The following FSD1 variants were observed in gnomAD, a reference collection of about 807,000 sequenced individuals.
The protein encoded by FSD1 is fibronectin type III and SPRY domain containing 1, also known as fibronectin type III and SPRY domain-containing protein 1.
In FSD1, 23 loss-of-function variants were observed where a neutral mutation model predicts 58.2. The observed-to-expected ratio is 0.40, with a 90% CI of 0.28 to 0.56. FSD1 has a LOEUF of 0.56. Among genes scored for constraint, FSD1 ranks in the 20% least tolerant of loss-of-function variants. The probability of loss-of-function intolerance (pLI) is 0.54; values close to 1 mark genes in which losing one functional copy is unlikely to be tolerated. For synonymous variants in FSD1, 265 were observed against 263.4 expected, an observed-to-expected ratio of 1.01 and a Z score of -0.06; for missense variants, 563 against 670.8, an observed-to-expected ratio of 0.84 and a Z score of 1.78.
rs1270873923 is a variant in FSD1 at position 4,323,403 on chromosome 19, C to T, written c.1347C>T (p.Thr449=). 3 of 1,613,904 alleles carry T rather than the reference C, an allele frequency of 1.9e-6. No homozygotes were observed. The highest frequency in any genetic ancestry group is 2.5e-6 in the Non-Finnish European group (3 of 1,179,866). ...RTKQVLHTFK[T]RFTQPLLPAF... ...AACAAGTGCTGCACACTTTCAAGAC[C>T]AGGTTCACACAGCCGCTGCTGCCTG... The change falls in exon 12 of 13, where the codon ACC becomes ACT. Residue 449 remains threonine, a synonymous_variant. Transcript: ENST00000221856. This position sits in a 1 kb window ranked among gnomAD's most constrained non-coding sequence, Gnocchi z 7.7.
At chr19:4,306,684 C>T (rs1245870354) in intron 3 of FSD1, among the ~76,000 whole-genome samples, 14 of 151,944 alleles carry the variant, frequency 9.2e-5, no homozygotes, top group Non-Finnish European at 2.9e-5. Flanking sequence ...GCCAAGCTGA[C>T]CTCAGGTGAT....
intron 10 of FSD1, among the ~76,000 whole-genome samples, chr19:4,322,052 C>T (rs979920275): frequency 7.4e-6 from 1 of 134,726 alleles, no homozygotes; most frequent in African/African-American, 2.9e-5. Flanking sequence ...CAAGGAGTAT[C>T]TGAGAGGAAC....
At chr19:4,308,083 T>C (rs1468556373) in intron 4 of FSD1, 100 bp downstream of exon 4, 3 of 905,188 alleles carry the variant, frequency 3.3e-6, no homozygotes, top group Non-Finnish European at 5.1e-6. Context: ...AGCCCACCCA[T>C]GCGATAGTTG....
intron 10 of FSD1, 87 bp downstream of exon 10, chr19:4,319,038 G>A: frequency 2.0e-6 from 2 of 1,001,230 alleles, no homozygotes; most frequent in Non-Finnish European, 3.1e-6. Context: ...GCCTTTGGCT[G>A]CGGAAACAGG....
chr19:4,308,735 G>T (rs959584907), intron 4 of FSD1, among the ~76,000 whole-genome samples: 1 of 152,050 alleles, frequency 6.6e-6, no homozygotes, highest in Non-Finnish European at 1.5e-5. Flanking sequence ...GCGGGCACCT[G>T]TAGTTCCAGC....
chr19:4,311,159 A>G (rs1412853120), intron 6 of FSD1: 2 of 154,544 alleles, frequency 1.3e-5, no homozygotes, highest in African/African-American at 4.9e-5. Flanking sequence ...TAGAGCCACG[A>G]GAAGGGCCTG....
At chr19:4,322,238 G>A (rs1400553876) in intron 10 of FSD1, among the ~76,000 whole-genome samples, 2 of 147,280 alleles carry the variant, frequency 1.4e-5, no homozygotes, top group Non-Finnish European at 3.0e-5. Context: ...GGCCCAAGGA[G>A]TATCTGAGAG....
In FSD1 at chr19:4,310,479, A is replaced by T; in HGVS notation, c.373A>T (p.Thr125Ser). 2 of 1,612,218 alleles carry T rather than the reference A, an allele frequency of 1.2e-6. No homozygotes were observed. Among genetic ancestry groups the T allele is most frequent in the Non-Finnish European group, 1.7e-6 (2 of 1,178,636 alleles). Residue 125 changes from threonine (T) to serine (S), a missense_variant, in exon 6 of 13, where the codon ACC (threonine) becomes TCC (serine). Coordinates refer to ENST00000221856, the MANE Select transcript of FSD1 (RefSeq NM_024333.3). The part of the protein sequence containing the change: ...QAAKQIKDGV[T>S]MAPAFRLSLK... ...CCTGCCACCTCCTTCCTGCAGAGTG[A>T]CCATGGCCCCTGCCTTCCGGCTATC...
intron 8 of FSD1, 61 bp from the exon 9 acceptor site, chr19:4,318,275 GTCTCTCTGTC>G: frequency 2.5e-6 from 4 of 1,602,058 alleles, no homozygotes; most frequent in African/African-American, 1.3e-5. Context: ...GTCACTCTCT[GTCTCTCTGTC>G]TCTCTCTGTG....
At chr19:4,314,715 G>A (rs112130299) in intron 7 of FSD1, among the ~76,000 whole-genome samples, 13,212 of 152,202 alleles carry the variant, frequency 0.087, 775 homozygotes, top group African/African-American at 0.17. Context: ...TCTAACTCCT[G>A]ACCTCAGGTG....
intron 4 of FSD1, among the ~76,000 whole-genome samples, chr19:4,309,757 A>G (rs557931704): frequency 1.7e-4 from 26 of 151,544 alleles, no homozygotes; most frequent in African/African-American, 6.1e-4. Flanking sequence ...AAAATACAAA[A>G]AATTAGCTGG....
At chr19:4,322,425 A>G (rs908291171) in intron 10 of FSD1, among the ~76,000 whole-genome samples, 1 of 149,198 alleles carries the variant, frequency 6.7e-6, no homozygotes, top group Non-Finnish European at 1.5e-5. Context: ...AGCAGGAACC[A>G]AGGAGTATCT....
At chr19:4,309,231 G>C (rs1016717531) in intron 4 of FSD1, among the ~76,000 whole-genome samples, 1 of 151,948 alleles carries the variant, frequency 6.6e-6, no homozygotes, top group Non-Finnish European at 1.5e-5. Flanking sequence ...CTGAGGGACA[G>C]AGCCAGACCT....
chr19:4,312,553 C>T (rs1971705230), intron 7 of FSD1, among the ~76,000 whole-genome samples: 1 of 151,722 alleles, frequency 6.6e-6, no homozygotes, highest in South Asian at 2.1e-4. Flanking sequence ...CCTGTAATCC[C>T]AGCACTTTGG....
Position 4,310,561 on chromosome 19 carries a change from A to G in FSD1, c.455A>G (p.Glu152Gly), listed in dbSNP as rs375518070. The G allele has an allele frequency of 1.9e-6, 3 of 1,613,724 alleles. No individual in the cohort carries two copies. Among genetic ancestry groups the G allele is most frequent in the Non-Finnish European group, 2.5e-6 (3 of 1,179,982 alleles). ...MSHLMVDFAQ[E>G]RQMLQALKFL... ...CACCTCATGGTGGACTTCGCGCAAG[A>G]GCGGCAGATGCTACAGGCACTCAAG... Residue 152 changes from glutamate (E) to glycine (G), a missense_variant, in exon 6 of 13, where the codon GAG (glutamate) becomes GGG (glycine). Coordinates refer to ENST00000221856, the MANE Select transcript of FSD1 (RefSeq NM_024333.3).
intron 3 of FSD1, among the ~76,000 whole-genome samples, chr19:4,307,006 G>A (rs560917077): frequency 4.3e-4 from 65 of 152,306 alleles, no homozygotes; most frequent in African/African-American, 1.5e-3. Flanking sequence ...TCCTGTCCCA[G>A]GGGGAATCTA....
At position 4,323,334 on chromosome 19, in the gene FSD1, C is replaced by T. The variant is rs1250605906; in HGVS notation, c.1292-14C>T. 5 of 1,610,826 alleles carry T rather than the reference C, an allele frequency of 3.1e-6. No homozygotes were observed. Among genetic ancestry groups the T allele is most frequent in the Non-Finnish European group, 4.2e-6 (5 of 1,177,856 alleles). On this transcript the variant is annotated splice_polypyrimidine_tract_variant and intron_variant, in intron 11 of 12. Coordinates refer to ENST00000221856, the MANE Select transcript of FSD1 (RefSeq NM_024333.3). This position sits in a 1 kb window ranked among gnomAD's most constrained non-coding sequence, Gnocchi z 7.7. ...TCTGACCGGTCCCACTGTCACTCTG[C>T]CCCCCGACCCCAGGCCTCCTGTCCT... is the stretch of plus-strand genomic sequence containing the variant.
At position 4,315,830 on chromosome 19, in the gene FSD1, T is replaced by G. The variant is rs1216509914; in HGVS notation, c.701-1352T>G. 7.2e-5 allele frequency among the ~76,000 whole-genome samples: 11 copies of G among 151,784 alleles called. No homozygotes were observed. The East Asian group carries it at 2.1e-3, about 30-fold the overall frequency. ...TTTCACCTTATTGGCGAGGCTGGTC[T>G]CTTGGCCAGGCTGGTCTCGAACTCC... is the stretch of plus-strand genomic sequence containing the variant. On this transcript the variant is annotated intron_variant, in intron 7 of 12. Transcript: ENST00000221856.
intron 7 of FSD1, among the ~76,000 whole-genome samples, chr19:4,315,454 G>A (rs1404975668): frequency 2.7e-5 from 4 of 149,636 alleles, no homozygotes; most frequent in African/African-American, 7.4e-5. Flanking sequence ...GACTACAGGC[G>A]CCTGCCACCA....
Sources: allele counts gnomAD v4.1 joint callset (sites outside exome capture counted in the v4.1 genomes callset), GRCh38; gene constraint gnomAD v4.1.1; non-coding constraint Gnocchi (gnomAD v3.1); transcripts MANE v1.5; gene names NCBI Gene and HGNC (gene_info 2026-07-23, HGNC 2026-07-21).